Variants in ZMYND11 observed in about 807,000 individuals in gnomAD.
ZMYND11 encodes zinc finger MYND-type containing 11, also known as zinc finger MYND domain-containing protein 11.
Under a neutral mutation model 84.9 loss-of-function variants are expected in ZMYND11, and 9 were observed. The ratio of observed to expected loss-of-function variants is 0.11; its 90% CI spans 0.06 to 0.18. The LOEUF is 0.18. Among genes scored for constraint, ZMYND11 ranks in the 10% least tolerant of loss-of-function variants. ZMYND11 has a pLI of 1.00. For missense variants in ZMYND11, 409 were observed against 761.0 expected (o/e 0.54, Z 5.44); for synonymous variants, 250 against 244.1 (o/e 1.02, Z -0.23).
chr10:163,814 T>A (rs1278609099), intron 1 of ZMYND11, among the ~76,000 whole-genome samples: 3 of 152,144 alleles, frequency 2.0e-5, no homozygotes, highest in African/African-American at 7.2e-5. Context: ...ACAGTTGTCT[T>A]GGACTCAACA....
chr10:245,468 G>A (rs1951929155), intron 10 of ZMYND11, among the ~76,000 whole-genome samples: 1 of 152,162 alleles, frequency 6.6e-6, no homozygotes, highest in Admixed American at 6.5e-5. Flanking sequence ...GATGAAAACT[G>A]TGATATCATA....
chr10:154,585 A>AC (rs1841251485), intron 1 of ZMYND11, among the ~76,000 whole-genome samples: 1 of 152,204 alleles, frequency 6.6e-6, no homozygotes, highest in East Asian at 1.9e-4. Context: ...TGATGTCAGA[A>AC]CACCATGAGG....
At chr10:247,493 G>C in intron 12 of ZMYND11, 27 bp downstream of exon 12, 1 of 1,608,190 alleles carries the variant, frequency 6.2e-7, no homozygotes, top group Non-Finnish European at 8.5e-7. Flanking sequence ...GCAGTATCCA[G>C]GTGGCAAATG....
At chr10:226,199 T>C (rs1024662459) in intron 4 of ZMYND11, among the ~76,000 whole-genome samples, 7 of 152,188 alleles carry the variant, frequency 4.6e-5, no homozygotes, top group Non-Finnish European at 8.8e-5. Flanking sequence ...TAAAGAAGCA[T>C]ATAACTACTT....
chr10:146,884 C>G (rs782572623), intron 1 of ZMYND11, among the ~76,000 whole-genome samples: 3 of 152,240 alleles, frequency 2.0e-5, no homozygotes, highest in Non-Finnish European at 4.4e-5. Context: ...CTCCTGCCTG[C>G]CAGCATGTAA....
intron 3 of ZMYND11, among the ~76,000 whole-genome samples, chr10:212,708 A>G (rs1303192362): frequency 6.6e-6 from 1 of 152,090 alleles, no homozygotes; most frequent in Non-Finnish European, 1.5e-5. Context: ...CAGGTACTCA[A>G]AGCAAGTTTT....
upstream of ZMYND11, among the ~76,000 whole-genome samples, chr10:130,979 C>T (rs782134445): frequency 3.3e-5 from 5 of 152,130 alleles, no homozygotes; most frequent in Admixed American, 2.0e-4. Context: ...TAGCTGGGCA[C>T]GGTGGCATGC....
intron 1 of ZMYND11, among the ~76,000 whole-genome samples, chr10:178,605 T>C (rs750155574): frequency 3.9e-5 from 6 of 152,244 alleles, no homozygotes; most frequent in Admixed American, 1.3e-4. Flanking sequence ...ATTTTCATTA[T>C]GTATAAATTT....
At chr10:220,719 GAAGAT>G (rs1246412160) in intron 3 of ZMYND11, among the ~76,000 whole-genome samples, 1 of 151,654 alleles carries the variant, frequency 6.6e-6, no homozygotes, top group Non-Finnish European at 1.5e-5. Flanking sequence ...CCACAGATGA[GAAGAT>G]AAGAATAGTG....
chr10:165,798 C>G (rs1478761632), intron 1 of ZMYND11, among the ~76,000 whole-genome samples: 4 of 152,034 alleles, frequency 2.6e-5, no homozygotes, highest in African/African-American at 9.7e-5. Context: ...GTTGCTTTTC[C>G]TTAATTACCA....
intron 1 of ZMYND11, among the ~76,000 whole-genome samples, chr10:174,825 G>C (rs1487999984): frequency 6.6e-6 from 1 of 151,566 alleles, no homozygotes; most frequent in Non-Finnish European, 1.5e-5. Flanking sequence ...AGTGGCACAT[G>C]CTTGTCATTC....
chr10:187,934 A>T (rs1939186117), intron 2 of ZMYND11, among the ~76,000 whole-genome samples: 1 of 152,218 alleles, frequency 6.6e-6, no homozygotes, highest in Admixed American at 6.5e-5. Flanking sequence ...GTGATGTTTA[A>T]TCATTGTAAA....
chr10:131,114 C>CA (rs1246473421), upstream of ZMYND11, among the ~76,000 whole-genome samples: 8 of 151,456 alleles, frequency 5.3e-5, no homozygotes, highest in East Asian at 9.7e-4. Flanking sequence ...AGCCCTATCT[C>CA]AAAAAAAGGA....
chr10:133,873 G>C (rs1006314791), upstream of ZMYND11, among the ~76,000 whole-genome samples: 5 of 152,166 alleles, frequency 3.3e-5, no homozygotes, highest in African/African-American at 7.2e-5. Flanking sequence ...ATCAGATTGA[G>C]GGCTGTGAAT....
chr10:240,139 T>C, intron 8 of ZMYND11, 28 bp downstream of exon 8: 1 of 1,508,680 alleles, frequency 6.6e-7, no homozygotes, highest in Middle Eastern at 1.7e-4. Context: ...ATAGTTATAC[T>C]CTTTCTATAA....
At chr10:211,532 G>A (rs1226013693) in intron 3 of ZMYND11, among the ~76,000 whole-genome samples, 1 of 152,168 alleles carries the variant, frequency 6.6e-6, no homozygotes, top group African/African-American at 2.4e-5. Context: ...AAACTAACTA[G>A]CAAGTGCCTG....
chr10:234,571 T>G (rs1949597290), intron 4 of ZMYND11, among the ~76,000 whole-genome samples: 1 of 152,216 alleles, frequency 6.6e-6, no homozygotes, highest in South Asian at 2.1e-4. Flanking sequence ...TAGATTGCTA[T>G]TATGTCTGAG....
chr10:243,248 T>C (rs1452372758), intron 10 of ZMYND11, among the ~76,000 whole-genome samples: 1 of 152,202 alleles, frequency 6.6e-6, no homozygotes, highest in Non-Finnish European at 1.5e-5. Context: ...GACCTGAGCA[T>C]AGTACCTAGC....
At chr10:224,704 G>A (rs992832221) in intron 4 of ZMYND11, among the ~76,000 whole-genome samples, 6 of 152,244 alleles carry the variant, frequency 3.9e-5, no homozygotes, top group African/African-American at 1.4e-4. Flanking sequence ...GATGTGGCTA[G>A]TGTGTATGTA....
Sources: gnomAD v4.1 joint callset for allele counts (sites outside exome capture counted in the v4.1 genomes callset) on GRCh38, gnomAD v4.1.1 for gene constraint, MANE v1.5 for transcripts, NCBI Gene and HGNC (gene_info 2026-07-23, HGNC 2026-07-21) for gene names.